NRG3: variants seen among roughly 807,000 people sequenced by gnomAD.
The protein encoded by NRG3 is neuregulin 3, also known as pro-neuregulin-3, membrane-bound isoform.
Under a neutral mutation model 66.9 loss-of-function variants are expected in NRG3, and 31 were observed. That is an observed-to-expected ratio of 0.46 (90% CI 0.35 to 0.63). The LOEUF (loss-of-function observed/expected upper bound fraction) is 0.63, where lower values mean the gene tolerates loss of function less well. Ranked by LOEUF, NRG3 falls within the 20% of genes least tolerant of loss-of-function variation. The probability of loss-of-function intolerance (pLI) is 0.00; values close to 1 mark genes in which losing one functional copy is unlikely to be tolerated. For synonymous variants in NRG3, 393 were observed against 359.4 expected (o/e 1.09, Z -1.06); for missense variants, 910 against 878.9 (o/e 1.04, Z -0.45).
At chr10:82,944,493 A>C (rs1031533157) in intron 4 of NRG3, among the ~76,000 whole-genome samples, 1 of 152,216 alleles carries the variant, frequency 6.6e-6, no homozygotes, top group Non-Finnish European at 1.5e-5. Context: ...TCCAAGTTCA[A>C]CTGGAAAATT....
chr10:82,727,395 C>T (rs1413003161), intron 2 of NRG3, among the ~76,000 whole-genome samples: 1 of 152,170 alleles, frequency 6.6e-6, no homozygotes, highest in East Asian at 1.9e-4. Context: ...GGACTTGGTG[C>T]CCTGCATCCC....
chr10:82,797,216 G>C (rs2060837220), intron 3 of NRG3, among the ~76,000 whole-genome samples: 1 of 152,178 alleles, frequency 6.6e-6, no homozygotes, highest in Non-Finnish European at 1.5e-5. Flanking sequence ...ACTGCTTCCT[G>C]CTCTAATTCA....
chr10:82,610,272 T>A (rs1047973132), intron 2 of NRG3, among the ~76,000 whole-genome samples: 2 of 152,136 alleles, frequency 1.3e-5, no homozygotes, highest in Non-Finnish European at 2.9e-5. Context: ...ACTCTCTACT[T>A]TAGGATCAAT....
chr10:82,102,365 A>G (rs1156516340), intron 1 of NRG3, among the ~76,000 whole-genome samples: 1 of 150,054 alleles, frequency 6.7e-6, no homozygotes, highest in Non-Finnish European at 1.5e-5. Flanking sequence ...TTTAAAGTGC[A>G]TTTCTTGAAG....
intron 3 of NRG3, among the ~76,000 whole-genome samples, chr10:82,756,578 A>C (rs1182003558): frequency 6.6e-6 from 1 of 152,102 alleles, no homozygotes; most frequent in Non-Finnish European, 1.5e-5. Flanking sequence ...GTAAGTACAA[A>C]TTCTTCTTTT....
chr10:82,861,510 A>C (rs2064124775), intron 3 of NRG3, among the ~76,000 whole-genome samples: 1 of 152,216 alleles, frequency 6.6e-6, no homozygotes, highest in South Asian at 2.1e-4. Context: ...TTGAGGTTTC[A>C]AAACATTCAG....
At chr10:82,878,161 A>T (rs1393549372) in intron 4 of NRG3, among the ~76,000 whole-genome samples, 1 of 152,320 alleles carries the variant, frequency 6.6e-6, no homozygotes, top group African/African-American at 2.4e-5. Flanking sequence ...AAGGAAGAAT[A>T]AAGGGAAATA....
intron 1 of NRG3, among the ~76,000 whole-genome samples, chr10:81,973,824 T>C (rs1226958998): frequency 6.6e-6 from 1 of 152,150 alleles, no homozygotes; most frequent in Admixed American, 6.5e-5. Context: ...GTCAGATGCA[T>C]AGTTTGCAAA....
intron 2 of NRG3, among the ~76,000 whole-genome samples, chr10:82,408,319 C>A (rs1213794751): frequency 1.3e-5 from 2 of 152,054 alleles, no homozygotes; most frequent in South Asian, 2.1e-4. Flanking sequence ...CTGTTCAGCA[C>A]AGTGCATATC....
chr10:82,349,042 T>C (rs1341044698), intron 1 of NRG3, among the ~76,000 whole-genome samples: 1 of 152,250 alleles, frequency 6.6e-6, no homozygotes, highest in Non-Finnish European at 1.5e-5. Flanking sequence ...AGTAATTTGA[T>C]CTTCTAAAGC....
intron 3 of NRG3, among the ~76,000 whole-genome samples, chr10:82,845,434 A>T (rs2063264156): frequency 6.6e-6 from 1 of 152,166 alleles, no homozygotes; most frequent in Admixed American, 6.5e-5. Flanking sequence ...GAAAATGAGG[A>T]ATTGGTGATC....
At chr10:82,908,719 A>G (rs544577631) in intron 4 of NRG3, among the ~76,000 whole-genome samples, 1 of 152,360 alleles carries the variant, frequency 6.6e-6, no homozygotes, top group South Asian at 2.1e-4. Context: ...TTCTGGCCAT[A>G]CTAAACTGCT....
chr10:82,066,023 A>G (rs144716771), intron 1 of NRG3, among the ~76,000 whole-genome samples: 3 of 152,326 alleles, frequency 2.0e-5, no homozygotes, highest in African/African-American at 7.2e-5. Context: ...TTAAAAATCT[A>G]TCATTTTAAC....
intron 1 of NRG3, among the ~76,000 whole-genome samples, chr10:81,958,025 A>T (rs1850003171): frequency 6.6e-6 from 1 of 152,174 alleles, no homozygotes; most frequent in Admixed American, 6.5e-5. Flanking sequence ...GTCAACTACT[A>T]GGGGTTGTTA....
intron 3 of NRG3, among the ~76,000 whole-genome samples, chr10:82,806,670 C>T (rs186116067): frequency 2.2e-4 from 33 of 152,188 alleles, no homozygotes; most frequent in Non-Finnish European, 3.2e-4. Context: ...TATATAAATC[C>T]GGAGTGGCTA....
At chr10:82,672,486 A>G (rs1362533478) in intron 2 of NRG3, among the ~76,000 whole-genome samples, 1 of 152,188 alleles carries the variant, frequency 6.6e-6, no homozygotes, top group Non-Finnish European at 1.5e-5. Flanking sequence ...TTCAGGGGCT[A>G]ATGTCAATGT....
At chr10:82,228,488 G>A (rs1241101771) in intron 1 of NRG3, among the ~76,000 whole-genome samples, 3 of 152,032 alleles carry the variant, frequency 2.0e-5, no homozygotes, top group Non-Finnish European at 4.4e-5. Flanking sequence ...TTGATTTGCT[G>A]TGTGGCCATG....
At chr10:82,093,028 G>T (rs967147375) in intron 1 of NRG3, among the ~76,000 whole-genome samples, 1 of 152,156 alleles carries the variant, frequency 6.6e-6, no homozygotes, top group East Asian at 1.9e-4. Context: ...TCACCTGTTA[G>T]CTTGCAAGTG....
At chr10:82,610,135 T>A (rs2048218320) in intron 2 of NRG3, among the ~76,000 whole-genome samples, 1 of 152,200 alleles carries the variant, frequency 6.6e-6, no homozygotes, top group South Asian at 2.1e-4. Flanking sequence ...TTCCATGTTA[T>A]ATCAGCCCCT....
Sources: allele counts gnomAD v4.1 joint callset (sites outside exome capture counted in the v4.1 genomes callset), GRCh38; gene constraint gnomAD v4.1.1; transcripts MANE v1.5; gene names NCBI Gene and HGNC (gene_info 2026-07-23, HGNC 2026-07-21).